Variants in SMIM14 observed in about 807,000 individuals in gnomAD.
SMIM14 encodes the protein small integral membrane protein 14.
Under a neutral mutation model 12.6 loss-of-function variants are expected in SMIM14, and 5 were observed. The ratio of observed to expected loss-of-function variants is 0.40; its 90% CI spans 0.21 to 0.83. The LOEUF is 0.83. SMIM14 is among the 40% of genes least tolerant of loss of function. The probability of loss-of-function intolerance (pLI) is 0.37; values close to 1 mark genes in which losing one functional copy is unlikely to be tolerated. For missense variants in SMIM14, 86 were observed against 119.1 expected, an observed-to-expected ratio of 0.72 and a Z score of 1.29; for synonymous variants, 30 against 40.1, an observed-to-expected ratio of 0.75 and a Z score of 0.95.
chr4:39,632,194 A>G (rs1578373146), intron 1 of SMIM14, among the ~76,000 whole-genome samples: 1 of 152,320 alleles, frequency 6.6e-6, no homozygotes, highest in East Asian at 1.9e-4. Flanking sequence ...AGCTTCTATT[A>G]AAAATCTTCA....
intron 1 of SMIM14, among the ~76,000 whole-genome samples, chr4:39,636,163 C>G (rs1716077212): frequency 9.0e-6 from 1 of 111,142 alleles, no homozygotes; most frequent in South Asian, 3.0e-4. Context: ...TAGAGCAAGA[C>G]TCCATCTCCC....
rs1173457845 is a variant in SMIM14 at position 39,557,015 on chromosome 4, A to ATT, written c.125-447_125-446dup. Among the ~76,000 whole-genome samples, 33 of 134,932 alleles carry ATT rather than the reference A, an allele frequency of 2.4e-4. 1 individual carries two copies. Among genetic ancestry groups the ATT allele is most frequent in the Middle Eastern group, 4.5e-3 (1 of 220 alleles). 88.5% of individuals were successfully genotyped at this position (134,932 alleles called of 152,430 possible). On this transcript the variant is annotated intron_variant, in intron 3 of 4. Coordinates refer to ENST00000295958, the MANE Select transcript of SMIM14 (RefSeq NM_174921.3). ...ATGTTGCCTGGGCTGGTCTCTAACA[A>ATT]TTTTTTTTTTTTTTTTTGAGATGGA...
chr4:39,566,212 T>TA (rs1441250479), intron 3 of SMIM14, among the ~76,000 whole-genome samples: 3 of 151,382 alleles, frequency 2.0e-5, no homozygotes, highest in Non-Finnish European at 4.4e-5. Flanking sequence ...TGCTTGCTGA[T>TA]AGATGACTGG....
chr4:39,620,842 G>A (rs564729277), intron 1 of SMIM14, among the ~76,000 whole-genome samples: 3 of 152,076 alleles, frequency 2.0e-5, no homozygotes, highest in Non-Finnish European at 4.4e-5. Flanking sequence ...AAAATGGTGT[G>A]CAAACACACA....
At chr4:39,622,137 G>A (rs1578365500) in intron 1 of SMIM14, among the ~76,000 whole-genome samples, 1 of 152,036 alleles carries the variant, frequency 6.6e-6, no homozygotes, top group Non-Finnish European at 1.5e-5. Flanking sequence ...AGGCTGGAGT[G>A]CAGTGGCACG....
chr4:39,556,707 C>A, intron 3 of SMIM14, 137 bp from the exon 4 acceptor site: 1 of 803,916 alleles, frequency 1.2e-6, no homozygotes, highest in Non-Finnish European at 1.8e-6. Context: ...CATATTATAT[C>A]TTCAATTTCC....
At chr4:39,625,118 T>G (rs1465409777) in intron 1 of SMIM14, among the ~76,000 whole-genome samples, 1 of 149,772 alleles carries the variant, frequency 6.7e-6, no homozygotes, top group African/African-American at 2.5e-5. Context: ...CTCGGGAGGC[T>G]GAGGCAGGAG....
chr4:39,592,439 AG>A (rs1714153094), intron 2 of SMIM14, among the ~76,000 whole-genome samples: 1 of 152,072 alleles, frequency 6.6e-6, no homozygotes, highest in African/African-American at 2.4e-5. Flanking sequence ...ACCAGTGATG[AG>A]GCAGTAGTAA....
At chr4:39,572,547 G>C (rs911559485) in intron 2 of SMIM14, 84 bp from the exon 3 acceptor site, 1 of 1,203,066 alleles carries the variant, frequency 8.3e-7, no homozygotes, top group African/African-American at 1.5e-5. Flanking sequence ...GTTTTGGCCG[G>C]GTGCGGTGGC....
intron 1 of SMIM14, chr4:39,621,052 C>T (rs904543390): frequency 2.0e-5 from 3 of 152,030 alleles, no homozygotes; most frequent in South Asian, 2.1e-4. Flanking sequence ...GCAGGCTTTC[C>T]GGTTTTTGCT....
intron 2 of SMIM14, among the ~76,000 whole-genome samples, chr4:39,584,805 A>G (rs902721927): frequency 6.7e-6 from 1 of 149,950 alleles, no homozygotes; most frequent in African/African-American, 2.4e-5. Context: ...AAAAAAAAAA[A>G]AAAAAAGAAA....
chr4:39,615,833 TAA>T (rs1481054090), intron 1 of SMIM14, among the ~76,000 whole-genome samples: 5 of 152,212 alleles, frequency 3.3e-5, no homozygotes, highest in Non-Finnish European at 7.4e-5. Context: ...AAACCTATAA[TAA>T]AAAGTGTTTT....
rs570218464 is a variant in SMIM14 at position 39,624,724 on chromosome 4, T to C, written c.-36+14015A>G. On this transcript the variant is annotated intron_variant, in intron 1 of 4. Coordinates refer to ENST00000295958, the MANE Select transcript of SMIM14 (RefSeq NM_174921.3). ...CTGTAATCCCAGCTACTTGGGAGGC[T>C]GAGGCAGAAGAATTGCTTGAACCTA... 4.8e-5 allele frequency among the ~76,000 whole-genome samples: 7 copies of C among 146,436 alleles called. No homozygotes were observed. The South Asian group carries it at 1.5e-3, about 32-fold the overall frequency.
intron 2 of SMIM14, among the ~76,000 whole-genome samples, chr4:39,590,668 G>A (rs1714025216): frequency 6.6e-6 from 1 of 151,990 alleles, no homozygotes; most frequent in Non-Finnish European, 1.5e-5. Flanking sequence ...CGGGCGTGGT[G>A]GCAGGCGCCT....
chr4:39,561,198 A>G (rs182414161), intron 3 of SMIM14, among the ~76,000 whole-genome samples: 7 of 152,342 alleles, frequency 4.6e-5, no homozygotes, highest in African/African-American at 1.4e-4. Context: ...AAATGTTCCA[A>G]TGAGCATTTC....
chr4:39,576,497 C>T (rs1025081274), intron 2 of SMIM14, among the ~76,000 whole-genome samples: 7 of 151,042 alleles, frequency 4.6e-5, no homozygotes, highest in African/African-American at 1.2e-4. Flanking sequence ...GTGGTTGAAG[C>T]GTCTGAGACA....
intron 1 of SMIM14, among the ~76,000 whole-genome samples, chr4:39,637,673 A>C (rs899097644): frequency 6.6e-6 from 1 of 152,096 alleles, no homozygotes; most frequent in Non-Finnish European, 1.5e-5. Context: ...GGAGAGCGGC[A>C]AGTTCGGAGC....
intron 1 of SMIM14, among the ~76,000 whole-genome samples, chr4:39,637,210 T>C (rs1716127807): frequency 6.6e-6 from 1 of 152,224 alleles, no homozygotes; most frequent in African/African-American, 2.4e-5. Flanking sequence ...TTATTGATTT[T>C]TTTTTCCTAT....
At chr4:39,636,033 C>T (rs191789261) in intron 1 of SMIM14, among the ~76,000 whole-genome samples, 2 of 151,834 alleles carry the variant, frequency 1.3e-5, no homozygotes, top group East Asian at 1.9e-4. Flanking sequence ...ATTAGTCGGG[C>T]GTGATGGTGT....
Sources: allele counts gnomAD v4.1 joint callset (sites outside exome capture counted in the v4.1 genomes callset), GRCh38; gene constraint gnomAD v4.1.1; transcripts MANE v1.5; gene names NCBI Gene and HGNC (gene_info 2026-07-23, HGNC 2026-07-21).